SLC35F1: variants seen among roughly 807,000 people sequenced by gnomAD.
SLC35F1 encodes the protein solute carrier family 35 member F1.
Under a neutral mutation model 48.7 loss-of-function variants are expected in SLC35F1, and 14 were observed. The ratio of observed to expected loss-of-function variants is 0.29; its 90% CI spans 0.19 to 0.45. SLC35F1 has a LOEUF of 0.45. SLC35F1 is among the 20% of genes least tolerant of loss of function. SLC35F1 has a pLI of 1.00. For synonymous variants in SLC35F1, 190 were observed against 202.2 expected (o/e 0.94, Z 0.51); for missense variants, 404 against 500.0 (o/e 0.81, Z 1.83).
At chr6:118,248,267 A>G (rs1215437667) in intron 3 of SLC35F1, among the ~76,000 whole-genome samples, 1 of 152,232 alleles carries the variant, frequency 6.6e-6, no homozygotes, top group Non-Finnish European at 1.5e-5. Context: ...TTCATTATGC[A>G]TGAACATAGC....
In SLC35F1 at chr6:117,907,950, C is replaced by T. The variant is rs773106533; in HGVS notation, c.173+51C>T. On this transcript the variant is annotated intron_variant, in intron 1 of 7. Coordinates refer to ENST00000360388, the MANE Select transcript of SLC35F1 (RefSeq NM_001029858.4). ...GCGGGGGGCGGGGGCTGCGGGCGCC[C>T]GGCTCCGGGTCCCCTCCGTCCCTGG... is the stretch of plus-strand genomic sequence containing the variant. 5 of 1,291,926 alleles carry T rather than the reference C, an allele frequency of 3.9e-6. No individual in the cohort carries two copies. The South Asian group carries it at 7.3e-5, about 19-fold the overall frequency. The allele number at this position is 1,291,926 out of a possible 1,614,324, so 80.0% of individuals were successfully genotyped here.
At chr6:117,930,435 G>A (rs1318103048) in intron 1 of SLC35F1, among the ~76,000 whole-genome samples, 1 of 152,078 alleles carries the variant, frequency 6.6e-6, no homozygotes, top group Non-Finnish European at 1.5e-5. Flanking sequence ...TTTTGTGGGA[G>A]CCCTGTTTTT....
chr6:117,957,411 A>G (rs372266914), intron 1 of SLC35F1, among the ~76,000 whole-genome samples: 1 of 152,138 alleles, frequency 6.6e-6, no homozygotes, highest in Non-Finnish European at 1.5e-5. Flanking sequence ...CTGAATATGT[A>G]TAAGAATTTT....
chr6:118,000,317 T>C (rs1007977111), intron 1 of SLC35F1, among the ~76,000 whole-genome samples: 17 of 118,650 alleles, frequency 1.4e-4, no homozygotes, highest in African/African-American at 5.8e-4. Context: ...ATAAATGTAA[T>C]CCAGCATATA....
intron 1 of SLC35F1, among the ~76,000 whole-genome samples, chr6:118,030,194 G>T (rs1235620299): frequency 1.3e-5 from 2 of 152,212 alleles, no homozygotes; most frequent in African/African-American, 4.8e-5. Flanking sequence ...TGTATGCAAG[G>T]CAAGAAGGAT....
chr6:117,986,056 G>C (rs1388174084), intron 1 of SLC35F1, among the ~76,000 whole-genome samples: 1 of 152,174 alleles, frequency 6.6e-6, no homozygotes, highest in African/African-American at 2.4e-5. Context: ...AGGCCAGATG[G>C]TCTCTTGTTT....
intron 2 of SLC35F1, among the ~76,000 whole-genome samples, chr6:118,158,304 CTATGTTCTGG>C (rs1774175206): frequency 6.6e-6 from 1 of 152,170 alleles, no homozygotes; most frequent in Non-Finnish European, 1.5e-5. Context: ...TGATTCAGTA[CTATGTTCTGG>C]AGACATACTA....
Position 118,266,316 on chromosome 6 carries a change from A to G in SLC35F1, c.478-679A>G, listed in dbSNP as rs189926144. Among the ~76,000 whole-genome samples, 5 of 152,318 alleles carry G rather than the reference A, an allele frequency of 3.3e-5. No homozygotes were observed. In the East Asian group the frequency reaches 7.7e-4, roughly 24 times the overall value. On this transcript the variant is annotated intron_variant, in intron 3 of 7. Coordinates refer to ENST00000360388, the MANE Select transcript of SLC35F1 (RefSeq NM_001029858.4). ...GAATCTCACTATTTGTACAAAATAT[A>G]TAAAAAATGAAATCAAATTTTTTTG...
At chr6:117,923,651 G>GTATATATACACATA (rs1554216680) in intron 1 of SLC35F1, among the ~76,000 whole-genome samples, 1 of 17,502 alleles carries the variant, frequency 5.7e-5, no homozygotes. Context: ...ATGTACATAT[G>GTATATATACACATA]TACATATGTA....
At chr6:117,944,895 T>C (rs1186269353) in intron 1 of SLC35F1, among the ~76,000 whole-genome samples, 2 of 152,196 alleles carry the variant, frequency 1.3e-5, no homozygotes, top group Non-Finnish European at 1.5e-5. Context: ...CCAAATGGTC[T>C]GGATCTGTCT....
chr6:118,198,276 T>G (rs2114532075), intron 2 of SLC35F1, among the ~76,000 whole-genome samples: 1 of 152,350 alleles, frequency 6.6e-6, no homozygotes, highest in African/African-American at 2.4e-5. Context: ...ATATGCCAGT[T>G]TCTCTTTAAT....
At chr6:118,169,658 A>C (rs1271068767) in intron 2 of SLC35F1, among the ~76,000 whole-genome samples, 4 of 152,130 alleles carry the variant, frequency 2.6e-5, no homozygotes, top group Non-Finnish European at 5.9e-5. Flanking sequence ...TGTCTCTGAT[A>C]CCTGCCCACC....
intron 1 of SLC35F1, among the ~76,000 whole-genome samples, chr6:118,066,615 A>G (rs1772617432): frequency 6.6e-6 from 1 of 152,196 alleles, no homozygotes; most frequent in African/African-American, 2.4e-5. Context: ...CTGTGAGATA[A>G]TAAATGTGTG....
At chr6:118,008,349 T>G (rs896511730) in intron 1 of SLC35F1, among the ~76,000 whole-genome samples, 1 of 151,958 alleles carries the variant, frequency 6.6e-6, no homozygotes, top group East Asian at 1.9e-4. Context: ...AAGAAGATTA[T>G]GTAGGGTGTG....
intron 2 of SLC35F1, among the ~76,000 whole-genome samples, chr6:118,234,465 C>A (rs1219195259): frequency 6.6e-6 from 1 of 152,172 alleles, no homozygotes; most frequent in Admixed American, 6.5e-5. Context: ...CCACCCACAG[C>A]CATGTGAGTG....
chr6:118,064,125 G>T (rs1306610885), intron 1 of SLC35F1, among the ~76,000 whole-genome samples: 1 of 152,110 alleles, frequency 6.6e-6, no homozygotes, highest in African/African-American at 2.4e-5. Context: ...GATGGTAGCA[G>T]GCAAAAAGAG....
intron 1 of SLC35F1, among the ~76,000 whole-genome samples, chr6:118,040,935 C>T (rs905954214): frequency 4.0e-5 from 6 of 151,892 alleles, no homozygotes; most frequent in African/African-American, 1.5e-4. Context: ...CTAAATTTAA[C>T]CAGTTAGGTT....
intron 1 of SLC35F1, among the ~76,000 whole-genome samples, chr6:118,098,737 T>C (rs968307887): frequency 5.9e-5 from 9 of 152,232 alleles, no homozygotes; most frequent in Non-Finnish European, 2.9e-5. Context: ...TTGGGTAAGA[T>C]GACTAGATGT....
chr6:118,176,892 C>T (rs1314742262), intron 2 of SLC35F1, among the ~76,000 whole-genome samples: 1 of 151,536 alleles, frequency 6.6e-6, no homozygotes, highest in African/African-American at 2.4e-5. Flanking sequence ...TTTGTATACT[C>T]ACAGATCACT....
Sources: gnomAD v4.1 joint callset for allele counts (sites outside exome capture counted in the v4.1 genomes callset) on GRCh38, gnomAD v4.1.1 for gene constraint, MANE v1.5 for transcripts, NCBI Gene and HGNC (gene_info 2026-07-23, HGNC 2026-07-21) for gene names.